Variants in CETN3 observed in about 807,000 individuals in gnomAD.
The protein encoded by CETN3 is centrin-3.
A neutral mutation model predicts 20.1 loss-of-function variants in CETN3; 17 were observed. That is an observed-to-expected ratio of 0.85 (90% CI 0.58 to 1.27). CETN3 has a LOEUF of 1.27. CETN3 is among the 50% of genes most tolerant of loss of function. The pLI is 0.00. For synonymous variants in CETN3, 52 were observed against 59.7 expected (o/e 0.87, Z 0.59); for missense variants, 169 against 191.2 (o/e 0.88, Z 0.69).
chr5:90,397,159 C>T (rs555845528), intron 4 of CETN3, among the ~76,000 whole-genome samples: 1 of 152,082 alleles, frequency 6.6e-6, no homozygotes, highest in African/African-American at 2.4e-5. Flanking sequence ...ATGATTCATA[C>T]CTAAAAACAC....
intron 3 of CETN3, among the ~76,000 whole-genome samples, chr5:90,403,643 G>A (rs549443970): frequency 4.0e-5 from 6 of 151,728 alleles, no homozygotes; most frequent in South Asian, 2.1e-4. Flanking sequence ...AGGCCGAGGC[G>A]GGCGGATCAC....
intron 4 of CETN3, among the ~76,000 whole-genome samples, chr5:90,398,030 T>C (rs1271157890): frequency 6.6e-6 from 1 of 152,148 alleles, no homozygotes; most frequent in African/African-American, 2.4e-5. Context: ...CCAAAAGATG[T>C]GCTGTGTTTT....
chr5:90,406,007 AT>A (rs1363856315), intron 2 of CETN3, among the ~76,000 whole-genome samples: 4 of 152,134 alleles, frequency 2.6e-5, no homozygotes, highest in African/African-American at 4.8e-5. Flanking sequence ...TATAAATTGC[AT>A]TTTTTATATG....
At chr5:90,399,111 T>C (rs912220697) in intron 4 of CETN3, 7 of 584,018 alleles carry the variant, frequency 1.2e-5, no homozygotes, top group Non-Finnish European at 2.1e-5. Context: ...AAGACTGAAA[T>C]TATATTGAAA....
rs552398661 is a variant in CETN3 at position 90,396,548 on chromosome 5, G to A, written c.461-2441C>T. On this transcript the variant is annotated intron_variant, in intron 4 of 4. Coordinates refer to ENST00000283122, the MANE Select transcript of CETN3 (RefSeq NM_004365.4). ...GGCATCTAGACCAAATAGGAAGCAA[G>A]AGTATGTTCTTAAGAACTGTATTAA... 158 of 1,533,218 alleles carry A rather than the reference G, an allele frequency of 1.0e-4. No individual in the cohort carries two copies. The African/African-American group carries it at 1.8e-3, about 18-fold the overall frequency. 95.0% of individuals were successfully genotyped at this position (1,533,218 alleles called of 1,614,324 possible).
At chr5:90,405,967 T>C (rs1749427609) in intron 2 of CETN3, among the ~76,000 whole-genome samples, 168 bp from the exon 3 acceptor site, 1 of 152,194 alleles carries the variant, frequency 6.6e-6, no homozygotes, top group South Asian at 2.1e-4. Context: ...TCTTCACTAC[T>C]GAAATTAAGT....
intron 2 of CETN3, among the ~76,000 whole-genome samples, chr5:90,406,752 C>T (rs1486831918): frequency 1.3e-5 from 2 of 148,782 alleles, no homozygotes; most frequent in African/African-American, 2.5e-5. Context: ...ATTTAGGAAG[C>T]TCCAGGTATG....
At position 90,407,820 on chromosome 5, in the gene CETN3, A is replaced by G; in HGVS notation, c.32T>C (p.Val11Ala). The G allele has an allele frequency of 6.3e-7, 1 of 1,592,210 alleles. No individual in the cohort carries two copies. The highest frequency in any genetic ancestry group is 8.5e-7 in the Non-Finnish European group (1 of 1,170,634). ...TCTTTTTTTCCTCTTTGTTTTGTCCACTACAAGCTCACTTCTATGAAATGG... is the reference window on the plus strand; with the variant it reads ...TCTTTTTTTCCTCTTTGTTTTGTCCGCTACAAGCTCACTTCTATGAAATGG... MSLALRSELV[V>A]DKTKRKKRRE... Residue 11 changes from valine to alanine, a missense_variant, in exon 2 of 5, where the codon GTG becomes GCG. Coordinates refer to ENST00000283122, the MANE Select transcript of CETN3 (RefSeq NM_004365.4).
In CETN3 at chr5:90,407,803, T is replaced by C. The variant is rs757991158; in HGVS notation, c.49A>G (p.Lys17Glu). 1 of 1,602,862 alleles carries C rather than the reference T, an allele frequency of 6.2e-7. No individual in the cohort carries two copies. Among genetic ancestry groups the C allele is most frequent in the Admixed American group, 1.7e-5 (1 of 58,576 alleles). The change falls in exon 2 of 5, where the codon AAA becomes GAA. Residue 17 changes from lysine (K) to glutamate (E), a missense_variant. By Grantham distance (56) the Lys-to-Glu change is moderately conservative (BLOSUM62 1). Coordinates refer to ENST00000283122, the MANE Select transcript of CETN3 (RefSeq NM_004365.4). ...TCCTCAGACAGTTCTCTTCTTTTTT[T>C]CCTCTTTGTTTTGTCCACTACAAGC... ...SELVVDKTKR[K>E]KRRELSEEQK...
intron 1 of CETN3, 146 bp downstream of exon 1, chr5:90,409,499 C>G (rs1749565665): frequency 1.1e-6 from 1 of 880,554 alleles, no homozygotes; most frequent in Non-Finnish European, 1.9e-6. Context: ...GGTGAGTGAT[C>G]CGGGCAGGCT....
intron 3 of CETN3, among the ~76,000 whole-genome samples, chr5:90,402,201 G>A (rs1186978157): frequency 4.0e-5 from 6 of 151,650 alleles, no homozygotes; most frequent in East Asian, 1.9e-4. Flanking sequence ...CATCCTCAGC[G>A]AAAAAAATAG....
chr5:90,398,993 G>C lies in CETN3; in HGVS notation c.460+365C>G, dbSNP rs112781797. Reference sequence around the variant, plus strand: ...CATTCCTAACTAGAAATTAGGGCCTGAACTAGGACAGCCACAATGGACAAA... The same window carrying C: ...CATTCCTAACTAGAAATTAGGGCCTCAACTAGGACAGCCACAATGGACAAA... On this transcript the variant is annotated intron_variant, in intron 4 of 4. Coordinates refer to ENST00000283122, the MANE Select transcript of CETN3 (RefSeq NM_004365.4). 1.2e-3 allele frequency: 445 copies of C among 366,730 alleles called. 4 individuals are homozygous for C. Among genetic ancestry groups the C allele is most frequent in the African/African-American group, 8.3e-3 (405 of 48,928 alleles). 22.7% of individuals were successfully genotyped at this position (366,730 alleles called of 1,614,324 possible). A position where few individuals can be genotyped will look rare whatever the true frequency, so the allele number is the denominator to read the frequency against.
At chr5:90,396,175 AAAG>A in intron 4 of CETN3, 3 of 985,322 alleles carry the variant, frequency 3.0e-6, no homozygotes, top group Non-Finnish European at 3.6e-6. Context: ...ACAGTCAAAG[AAAG>A]AATAGTGTAT....
intron 4 of CETN3, 74 bp from the exon 5 acceptor site, chr5:90,394,181 T>C: frequency 1.0e-6 from 1 of 975,812 alleles, no homozygotes; most frequent in Non-Finnish European, 1.5e-6. Context: ...ACTACCATTT[T>C]ACACTAAGTA....
chr5:90,394,831 T>C (rs906988506), intron 4 of CETN3, among the ~76,000 whole-genome samples: 8 of 151,906 alleles, frequency 5.3e-5, no homozygotes, highest in African/African-American at 1.9e-4. Context: ...TAAAACATAA[T>C]GTTTAAGACA....
In CETN3 at chr5:90,392,471, A is replaced by G. The variant is rs533018893; in HGVS notation, c.*1593T>C. On this transcript the variant is annotated 3_prime_UTR_variant, in exon 5 of 5. Coordinates refer to ENST00000283122, the MANE Select transcript of CETN3 (RefSeq NM_004365.4). ...AGTTTGTATATCTGTCCCCACTCAA[A>G]TATCATGTTGAATTGTAATCCCCAG... 3 of 152,290 alleles carry G rather than the reference A, an allele frequency of 2.0e-5. No individual in the cohort carries two copies. Among genetic ancestry groups the G allele is most frequent in the East Asian group, 1.9e-4 (1 of 5,178 alleles). The allele number at this position is 152,290 out of a possible 1,614,324, so 9.4% of individuals were successfully genotyped here.
At chr5:90,405,439 G>A in intron 3 of CETN3, 2 of 446,228 alleles carry the variant, frequency 4.5e-6, no homozygotes. Context: ...TCTATAAAAA[G>A]CTACACAATA....
In CETN3 at chr5:90,393,054, A is replaced by T. The variant is rs1296256787; in HGVS notation, c.*1010T>A. 1 of 152,162 alleles carries T rather than the reference A, an allele frequency of 6.6e-6. No homozygotes were observed. The highest frequency in any genetic ancestry group is 1.5e-5 in the Non-Finnish European group (1 of 68,010). The allele number at this position is 152,162 out of a possible 1,614,324, so 9.4% of individuals were successfully genotyped here. A position where few individuals can be genotyped will look rare whatever the true frequency, so the allele number is the denominator to read the frequency against. On this transcript the variant is annotated 3_prime_UTR_variant, in exon 5 of 5. Transcript: ENST00000283122. ...AACACCGAGTACTAGATATGAGTGA[A>T]GGATCCATATAGGTACTATTTTTTT...
rs1463010060 is a variant in CETN3 at position 90,392,736 on chromosome 5, C to G, written c.*1328G>C. On this transcript the variant is annotated 3_prime_UTR_variant, in exon 5 of 5. Transcript: ENST00000283122. ...GCAGAACCGTAAGCCAATTAAGCTT[C>G]TTTTCTTTATAAAATATGCAGTCTT... 1 of 152,140 alleles carries G rather than the reference C, an allele frequency of 6.6e-6. No homozygotes were observed. The highest frequency in any genetic ancestry group is 1.5e-5 in the Non-Finnish European group (1 of 68,014). 9.4% of individuals were successfully genotyped at this position (152,140 alleles called of 1,614,324 possible).
Sources: gnomAD v4.1 joint callset for allele counts (sites outside exome capture counted in the v4.1 genomes callset) on GRCh38, gnomAD v4.1.1 for gene constraint, MANE v1.5 for transcripts, NCBI Gene and HGNC (gene_info 2026-07-23, HGNC 2026-07-21) for gene names.